TJAP1: variants seen among roughly 807,000 people sequenced by gnomAD.
The protein encoded by TJAP1 is tight junction associated protein 1, also known as tight junction-associated protein 1.
Under a neutral mutation model 42.0 loss-of-function variants are expected in TJAP1, and 27 were observed. The ratio of observed to expected loss-of-function variants is 0.64; its 90% CI spans 0.47 to 0.89. The LOEUF (loss-of-function observed/expected upper bound fraction) is 0.89. TJAP1 is among the 40% of genes least tolerant of loss of function. The pLI, the probability that TJAP1 is intolerant of heterozygous loss-of-function variation, is 0.00. For synonymous variants in TJAP1, 257 were observed against 288.4 expected, an observed-to-expected ratio of 0.89 and a Z score of 1.10; for missense variants, 712 against 726.9, an observed-to-expected ratio of 0.98 and a Z score of 0.24.
intron 7 of TJAP1, 42 bp from the exon 8 acceptor site, chr6:43,502,546 C>T (rs762486654): frequency 7.7e-6 from 12 of 1,551,042 alleles, no homozygotes; most frequent in Non-Finnish European, 8.7e-6. Flanking sequence ...TTCCTCGTCT[C>T]CCCCTCATGC....
At chr6:43,496,582 G>T (rs1238001212) in intron 2 of TJAP1, among the ~76,000 whole-genome samples, 1 of 152,202 alleles carries the variant, frequency 6.6e-6, no homozygotes, top group African/African-American at 2.4e-5. Flanking sequence ...CAGGGCCCAG[G>T]CTGTCCAGAC....
chr6:43,502,076 A>ACACACACACACACACTCTCTCT (rs767085594), intron 6 of TJAP1, among the ~76,000 whole-genome samples: 3 of 68,956 alleles, frequency 4.4e-5, no homozygotes, highest in African/African-American at 2.3e-4. Flanking sequence ...ACACACACAC[A>ACACACACACACACACTCTCTCT]CTCTCTCTCT....
intron 1 of TJAP1, 130 bp downstream of exon 1, chr6:43,477,758 G>A (rs1784506350): frequency 6.6e-6 from 1 of 152,482 alleles, no homozygotes; most frequent in African/African-American, 2.4e-5. Flanking sequence ...AATGGAGTAA[G>A]GTCCGAGGCG....
rs1351096435 is a variant in TJAP1 at position 43,505,820 on chromosome 6, AC to A, written c.1642del (p.Gln548ArgfsTer41). ...CCACCTGCACCGCAAGGACAGCCTG[AC>A]CCAGGCCCAGGAGCAGGGCAACCTG... On this transcript the variant is annotated frameshift_variant, in exon 11 of 11. Transcript: ENST00000372449. LOFTEE classifies it high-confidence loss of function. The surrounding 1 kb of genome is among the most constrained non-coding windows in gnomAD (Gnocchi z 5.5). 1.3e-6 allele frequency: 2 copies of A among 1,492,770 alleles called. No individual in the cohort carries two copies. The highest frequency in any genetic ancestry group is 2.4e-5 in the Admixed American group (1 of 42,016). The allele number at this position is 1,492,770 out of a possible 1,614,324, so 92.5% of individuals were successfully genotyped here.
chr6:43,500,826 T>G (rs367855341), intron 5 of TJAP1, 54 bp downstream of exon 5: 3 of 1,603,428 alleles, frequency 1.9e-6, no homozygotes, highest in Non-Finnish European at 2.6e-6. Flanking sequence ...CCCTCTTAGC[T>G]CCAGGCTAGA....
chr6:43,497,282 G>A (rs1333080225), intron 2 of TJAP1: 1 of 152,220 alleles, frequency 6.6e-6, no homozygotes, highest in Non-Finnish European at 1.5e-5. Context: ...AGACGTCCCT[G>A]GGGAAGGAGG....
chr6:43,483,098 G>A (rs1407390886), intron 2 of TJAP1, among the ~76,000 whole-genome samples: 2 of 151,804 alleles, frequency 1.3e-5, no homozygotes, highest in Non-Finnish European at 2.9e-5. Context: ...CTCCAAACTG[G>A]GCAACAGAGC....
chr6:43,497,941 G>A (rs1789583558), exon 3 of TJAP1: 2 of 152,282 alleles, frequency 1.3e-5, no homozygotes, highest in African/African-American at 2.4e-5. Context: ...GCTAACTCCC[G>A]GACAGCGGAA....
Position 43,505,849 on chromosome 6 carries a change from C to A in TJAP1, c.1668C>A (p.Leu556=). The change falls in exon 11 of 11, where the codon CTC becomes CTA. Residue 556 remains leucine, a synonymous_variant. Transcript: ENST00000372449. The surrounding 1 kb of genome is among the most constrained non-coding windows in gnomAD (Gnocchi z 5.5). ...AGGCCCAGGAGCAGGGCAACCTGCT[C>A]AACTAGGGCCCCTGCTGGCCTTCCT... 1 of 1,466,076 alleles carries A rather than the reference C, an allele frequency of 6.8e-7. No individual in the cohort carries two copies. Among genetic ancestry groups the A allele is most frequent in the South Asian group, 1.4e-5 (1 of 69,694 alleles). The allele number at this position is 1,466,076 out of a possible 1,614,324, so 90.8% of individuals were successfully genotyped here.
chr6:43,493,538 C>T (rs1224959775), intron 2 of TJAP1, among the ~76,000 whole-genome samples: 1 of 152,168 alleles, frequency 6.6e-6, no homozygotes, highest in African/African-American at 2.4e-5. Context: ...GGATTCCTGT[C>T]TCCCTCTCCT....
chr6:43,504,700 T>C (rs1791846229), intron 10 of TJAP1, 61 bp from the exon 11 acceptor site: 4 of 1,568,324 alleles, frequency 2.6e-6, no homozygotes, highest in Non-Finnish European at 3.5e-6. Context: ...ACTTTCGCCA[T>C]GAGTCAAGTT....
At position 43,505,983 on chromosome 6, in the gene TJAP1, T is replaced by G; in HGVS notation, c.*128T>G. The G allele has an allele frequency of 9.6e-7, 1 of 1,046,968 alleles. No individual in the cohort carries two copies. The highest frequency in any genetic ancestry group is 3.6e-5 in the Admixed American group (1 of 28,148). 64.9% of individuals were successfully genotyped at this position (1,046,968 alleles called of 1,614,324 possible). A position where few individuals can be genotyped will look rare whatever the true frequency, so the allele number is the denominator to read the frequency against. On this transcript the variant is annotated 3_prime_UTR_variant, in exon 11 of 11. Transcript: ENST00000372449. The surrounding 1 kb of genome is among the most constrained non-coding windows in gnomAD (Gnocchi z 5.5). ...TCCAGACCCGCACAGCTGTTTCCTG[T>G]GTGGATGGGGTCAGGTTGTGGGCCA...
chr6:43,503,145 G>A (rs898314280), intron 8 of TJAP1: 1 of 534,674 alleles, frequency 1.9e-6, no homozygotes, highest in Non-Finnish European at 3.4e-6. Context: ...CTCAGGGGAT[G>A]GACAGCTCTT....
exon 3 of TJAP1, chr6:43,497,966 GACAA>G (rs1304692186): frequency 6.6e-6 from 1 of 152,258 alleles, no homozygotes; most frequent in Non-Finnish European, 1.5e-5. Context: ...GAGAGCTGCC[GACAA>G]ACAGACGGTA....
At chr6:43,497,643 A>G (rs1406948941) in intron 2 of TJAP1, 1 of 152,274 alleles carries the variant, frequency 6.6e-6, no homozygotes, top group Non-Finnish European at 1.5e-5. Context: ...CCATGAACAC[A>G]CAGACACATG....
rs763357562 is a variant in TJAP1, at chr6:43,505,125, C to A, written c.944C>A (p.Pro315His). 1 of 1,614,184 alleles carries A rather than the reference C, an allele frequency of 6.2e-7. No homozygotes were observed. Among genetic ancestry groups the A allele is most frequent in the Non-Finnish European group, 8.5e-7 (1 of 1,180,014 alleles). ...CTGCCAGCCTTTGAGAAGCTGAACCCCTACCCAACCCCGTCTCCACCACAC... is the reference window on the plus strand; with the variant it reads ...CTGCCAGCCTTTGAGAAGCTGAACCACTACCCAACCCCGTCTCCACCACAC... The change falls in exon 11 of 11, where the codon CCC (proline) becomes CAC (histidine). Residue 315 changes from proline to histidine, a missense_variant. By Grantham distance (77) the Pro-to-His change is moderately conservative (BLOSUM62 -2). Around this residue, in one of 3 missense-constraint regions of TJAP1, gnomAD observed 549 missense variants for 528.2 expected, o/e 1.04. Transcript: ENST00000372449. This position sits in a 1 kb window ranked among gnomAD's most constrained non-coding sequence, Gnocchi z 5.5.
At chr6:43,501,891 CCACACACACACACACA>C (rs550223728) in intron 6 of TJAP1, among the ~76,000 whole-genome samples, 3 of 39,082 alleles carry the variant, frequency 7.7e-5, no homozygotes, top group South Asian at 1.0e-3. Context: ...GAATGCGGGG[CCACACACACACACACA>C]CACACACACA....
At chr6:43,482,710 C>T (rs1176971298) in intron 2 of TJAP1, among the ~76,000 whole-genome samples, 2 of 152,196 alleles carry the variant, frequency 1.3e-5, no homozygotes, top group Non-Finnish European at 1.5e-5. Flanking sequence ...TAGGACAGTG[C>T]TGGGCCTTAA....
intron 2 of TJAP1, among the ~76,000 whole-genome samples, chr6:43,483,850 A>C (rs556035157): frequency 6.6e-6 from 1 of 151,684 alleles, no homozygotes; most frequent in Non-Finnish European, 1.5e-5. Flanking sequence ...CTTGAGGCCA[A>C]GAGTTTGAAG....
Sources: allele counts gnomAD v4.1 joint callset (sites outside exome capture counted in the v4.1 genomes callset), GRCh38; gene constraint gnomAD v4.1.1; regional missense constraint gnomAD v4.1.1; non-coding constraint Gnocchi (gnomAD v3.1); transcripts MANE v1.5; gene names NCBI Gene and HGNC (gene_info 2026-07-23, HGNC 2026-07-21).